Variants in PDE4D observed in about 807,000 individuals in gnomAD.
PDE4D encodes phosphodiesterase 4D.
Under a neutral mutation model 87.4 loss-of-function variants are expected in PDE4D, and 24 were observed. That is an observed-to-expected ratio of 0.27 (90% CI 0.20 to 0.39). The LOEUF (loss-of-function observed/expected upper bound fraction) is 0.39, where lower values mean the gene tolerates loss of function less well. PDE4D is among the 10% of genes least tolerant of loss of function. The pLI is 1.00. For synonymous variants in PDE4D, 384 were observed against 383.2 expected (o/e 1.00, Z -0.02); for missense variants, 714 against 1,041.0 (o/e 0.69, Z 4.32).
Position 60,014,710 on chromosome 5 carries a change from C to G in PDE4D, c.43-25993G>C, listed in dbSNP as rs551326633. 6.6e-5 allele frequency among the ~76,000 whole-genome samples: 10 copies of G among 152,210 alleles called. No individual in the cohort carries two copies. In the East Asian group the frequency reaches 1.9e-3, roughly 29 times the overall value. ...TATAACTGGATACATTAGAAAATTA[C>G]AAAGTTTAAAAAGAAGCTGTGCCAC... is the stretch of plus-strand genomic sequence containing the variant. On this transcript the variant is annotated intron_variant, in intron 2 of 16. Coordinates refer to the PDE4D transcript ENST00000502484.
At chr5:59,366,294 T>C (rs1039134851) in intron 1 of PDE4D, among the ~76,000 whole-genome samples, 26 of 152,148 alleles carry the variant, frequency 1.7e-4, no homozygotes, top group African/African-American at 5.8e-4. Context: ...GTGGACTTTG[T>C]ACAGGAAAGA....
chr5:59,828,101 T>C (rs1482508356), intron 1 of PDE4D, among the ~76,000 whole-genome samples: 1 of 151,596 alleles, frequency 6.6e-6, no homozygotes. Flanking sequence ...ATGGCTCAAA[T>C]AAAATACTTA....
intron 2 of PDE4D, among the ~76,000 whole-genome samples, chr5:59,212,048 G>A (rs1324882803): frequency 6.6e-6 from 1 of 151,964 alleles, no homozygotes; most frequent in Non-Finnish European, 1.5e-5. Context: ...TTCTCAATAG[G>A]AAAGCTTAAC....
chr5:60,192,287 C>T (rs2149523347), intron 1 of PDE4D, among the ~76,000 whole-genome samples: 1 of 152,106 alleles, frequency 6.6e-6, no homozygotes, highest in Non-Finnish European at 1.5e-5. Flanking sequence ...AAATAAAATA[C>T]TTGAAAATGG....
chr5:59,248,561 A>G (rs1478358462), intron 1 of PDE4D, among the ~76,000 whole-genome samples: 1 of 152,156 alleles, frequency 6.6e-6, no homozygotes, highest in East Asian at 1.9e-4. Flanking sequence ...GAGTTAGCAA[A>G]TGGCTACAAG....
chr5:59,816,385 G>T (rs776662912), intron 1 of PDE4D, among the ~76,000 whole-genome samples: 1 of 152,026 alleles, frequency 6.6e-6, no homozygotes, highest in African/African-American at 2.4e-5. Context: ...TCATATTTAG[G>T]ATCATTCATT....
intron 1 of PDE4D, among the ~76,000 whole-genome samples, chr5:59,489,349 C>T (rs997149713): frequency 1.3e-5 from 2 of 151,886 alleles, no homozygotes; most frequent in African/African-American, 2.4e-5. Context: ...CTTCTACTTG[C>T]TTGAGCTCTT....
chr5:60,119,880 A>G (rs1778516717), intron 2 of PDE4D, among the ~76,000 whole-genome samples: 1 of 152,198 alleles, frequency 6.6e-6, no homozygotes, highest in Non-Finnish European at 1.5e-5. Flanking sequence ...ATTCAAGAAG[A>G]GATTTGGGTG....
intron 3 of PDE4D, among the ~76,000 whole-genome samples, chr5:59,980,710 G>A (rs181636579): frequency 3.3e-5 from 5 of 152,232 alleles, no homozygotes; most frequent in Admixed American, 2.6e-4. Context: ...TAATGAAAAG[G>A]TACTGTGATA....
intron 2 of PDE4D, among the ~76,000 whole-genome samples, chr5:59,997,391 A>C (rs1305416053): frequency 1.3e-5 from 2 of 152,208 alleles, no homozygotes; most frequent in Non-Finnish European, 2.9e-5. Flanking sequence ...TCACAACCTT[A>C]AAAGAAATAC....
chr5:59,062,640 G>T (rs1763298527), intron 5 of PDE4D, among the ~76,000 whole-genome samples: 1 of 150,840 alleles, frequency 6.6e-6, no homozygotes, highest in South Asian at 2.1e-4. Context: ...ATATTTGTGT[G>T]TATGTGCACA....
intron 5 of PDE4D, among the ~76,000 whole-genome samples, chr5:59,052,835 C>CT (rs1761744624): frequency 6.6e-6 from 1 of 152,184 alleles, no homozygotes; most frequent in South Asian, 2.1e-4. Context: ...ATTCATATCT[C>CT]TATCTTTTTT....
intron 1 of PDE4D, among the ~76,000 whole-genome samples, chr5:59,762,160 A>G (rs987886247): frequency 1.3e-5 from 2 of 151,724 alleles, no homozygotes; most frequent in African/African-American, 2.4e-5. Context: ...GTGTGTGTGT[A>G]TATATAGGTA....
At chr5:59,440,272 TTAAGAG>T (rs1797405267) in intron 1 of PDE4D, among the ~76,000 whole-genome samples, 1 of 152,184 alleles carries the variant, frequency 6.6e-6, no homozygotes, top group African/African-American at 2.4e-5. Context: ...TGGTGACAAA[TTAAGAG>T]TAAATTAGTT....
chr5:59,794,700 A>G (rs1287961545), intron 1 of PDE4D, among the ~76,000 whole-genome samples: 1 of 152,218 alleles, frequency 6.6e-6, no homozygotes, highest in Admixed American at 6.5e-5. Context: ...CAAACAAAAC[A>G]TAGTTCATCA....
intron 1 of PDE4D, among the ~76,000 whole-genome samples, chr5:59,834,712 T>C (rs1428975957): frequency 6.6e-6 from 1 of 152,062 alleles, no homozygotes; most frequent in Non-Finnish European, 1.5e-5. Flanking sequence ...GAAAATCAAA[T>C]ACATTTCTGA....
At position 59,893,412 on chromosome 5, in the gene PDE4D, ACTGGGG is replaced by A. The variant is rs975719600; in HGVS notation, c.205_210del (p.Pro69_Gln70del). On this transcript the variant is annotated inframe_deletion, in exon 1 of 15. Coordinates refer to ENST00000340635, the MANE Select transcript of PDE4D (RefSeq NM_001104631.2). ...GGCGGCGGCGGCGGCTGTAGCGGACACTGGGGCTGGGGCTGGGGCGAGGGTGGCGGC... is the reference window on the plus strand; with the variant it reads ...GGCGGCGGCGGCGGCTGTAGCGGACACTGGGGCTGGGGCGAGGGTGGCGGC... 4.2e-6 allele frequency: 6 copies of A among 1,424,968 alleles called. No homozygotes were observed. Among genetic ancestry groups the A allele is most frequent in the Admixed American group, 2.4e-5 (1 of 42,058 alleles). 88.3% of individuals were successfully genotyped at this position (1,424,968 alleles called of 1,614,324 possible).
At chr5:59,267,660 A>G (rs1158355900) in intron 1 of PDE4D, among the ~76,000 whole-genome samples, 1 of 152,120 alleles carries the variant, frequency 6.6e-6, no homozygotes, top group Non-Finnish European at 1.5e-5. Flanking sequence ...CTCTCATTAT[A>G]TCTACTGACA....
At chr5:60,450,127 T>G (rs1381346064) in intron 1 of PDE4D, among the ~76,000 whole-genome samples, 1 of 151,732 alleles carries the variant, frequency 6.6e-6, no homozygotes, top group Admixed American at 6.6e-5. Context: ...TACCATAATT[T>G]TATTGTCATT....
Sources: gnomAD v4.1 joint callset for allele counts (sites outside exome capture counted in the v4.1 genomes callset) on GRCh38, gnomAD v4.1.1 for gene constraint, MANE v1.5 for transcripts, NCBI Gene and HGNC (gene_info 2026-07-23, HGNC 2026-07-21) for gene names.